Variants in DMD observed in about 807,000 individuals in gnomAD.
The protein encoded by DMD is mutant dystrophin.
DMD carries 63 observed loss-of-function variants against 330.1 expected under a neutral mutation model. The ratio of observed to expected loss-of-function variants is 0.19; its 90% confidence interval spans 0.16 to 0.24. The LOEUF is 0.24. Among genes scored for constraint, DMD ranks in the 10% least tolerant of loss-of-function variants. The pLI is 1.00. For missense variants in DMD, 3,344 were observed against 2,684.1 expected, an observed-to-expected ratio of 1.25 and a Z score of -5.43; for synonymous variants, 1,223 against 959.8, an observed-to-expected ratio of 1.27 and a Z score of -5.07.
chrX:32,046,873 T>C (rs1181549544), intron 44 of DMD, among the ~76,000 whole-genome samples: 1 of 111,857 alleles, frequency 8.9e-6, no homozygotes, highest in Non-Finnish European at 1.9e-5. Context: ...TGGTTTCACA[T>C]TAAATCTACA....
intron 1 of DMD, among the ~76,000 whole-genome samples, chrX:33,242,407 A>T (rs915702498): frequency 9.0e-6 from 1 of 111,599 alleles, no homozygotes; most frequent in Non-Finnish European, 1.9e-5. Flanking sequence ...ATAGTCTCCA[A>T]TCTCATCCAG....
Position 32,196,565 on chromosome X carries a change from G to A in DMD, c.6438+20351C>T, listed in dbSNP as rs779654128. On this transcript the variant is annotated intron_variant, in intron 44 of 78. Coordinates refer to ENST00000357033, the MANE Select transcript of DMD (RefSeq NM_004006.3). Reference sequence around the variant, plus strand: ...TAGATTCCACATTTAATATATATATGTGCTGATTGAGTTGTCTTCATTATT... The same window carrying A: ...TAGATTCCACATTTAATATATATATATGCTGATTGAGTTGTCTTCATTATT... Among the ~76,000 whole-genome samples the A allele has an allele frequency of 2.7e-5, 3 of 112,187 alleles. No homozygotes were observed. In the South Asian group the frequency reaches 1.1e-3, roughly 42 times the overall value.
intron 1 of DMD, among the ~76,000 whole-genome samples, chrX:33,074,139 C>T (rs1056964187): frequency 1.8e-5 from 2 of 111,452 alleles, no homozygotes; most frequent in African/African-American, 3.3e-5. Flanking sequence ...TCCCAGCCGC[C>T]ATTCTTCAGC....
chrX:32,398,274 C>CT (rs1557329343), intron 30 of DMD, among the ~76,000 whole-genome samples: 1 of 94,399 alleles, frequency 1.1e-5, no homozygotes, highest in Admixed American at 1.2e-4. Flanking sequence ...CCCCCCCCCC[C>CT]AAGTAGAGTT....
At chrX:32,929,108 G>A (rs2089353143) in intron 2 of DMD, among the ~76,000 whole-genome samples, 1 of 111,364 alleles carries the variant, frequency 9.0e-6, no homozygotes, top group South Asian at 3.8e-4. Flanking sequence ...AATAGAAAGG[G>A]GAAAGAGTCA....
chrX:32,403,979 A>G (rs761779360), intron 30 of DMD, among the ~76,000 whole-genome samples: 1 of 112,162 alleles, frequency 8.9e-6, no homozygotes, highest in Admixed American at 9.5e-5. Flanking sequence ...ATGCCTATTT[A>G]CACTATAAGA....
At chrX:33,059,493 A>C (rs1218282391) in intron 1 of DMD, among the ~76,000 whole-genome samples, 1 of 111,011 alleles carries the variant, frequency 9.0e-6, no homozygotes, top group Non-Finnish European at 1.9e-5. Flanking sequence ...GCAAATGAAT[A>C]ATCTTTTGCT....
intron 25 of DMD, among the ~76,000 whole-genome samples, chrX:32,459,640 T>C (rs1028970642): frequency 1.8e-5 from 2 of 111,113 alleles, no homozygotes; most frequent in Admixed American, 1.9e-4. Context: ...ACCCACTCTT[T>C]CTTTAAAATC....
rs1223138822 is a variant in DMD, at chrX:32,247,992, G to A, written c.6291-30929C>T. On this transcript the variant is annotated intron_variant, in intron 43 of 78. Transcript: ENST00000357033. Reference sequence around the variant, plus strand: ...AATATGAAGATGTATATTTAAATGAGAAGATTTTATAATCTTACACTTTCA... The same window carrying A: ...AATATGAAGATGTATATTTAAATGAAAAGATTTTATAATCTTACACTTTCA... 5.4e-5 allele frequency among the ~76,000 whole-genome samples: 6 copies of A among 111,614 alleles called. No homozygotes were observed. In the Admixed American group the frequency reaches 5.7e-4, roughly 11 times the overall value.
intron 44 of DMD, among the ~76,000 whole-genome samples, chrX:31,990,761 C>T (rs1031021769): frequency 1.8e-5 from 2 of 111,882 alleles, no homozygotes; most frequent in African/African-American, 3.2e-5. Context: ...CATCCTACCA[C>T]GTGTAAAGTA....
At chrX:31,221,375 A>G (rs781615373) in intron 64 of DMD, among the ~76,000 whole-genome samples, 2 of 112,501 alleles carry the variant, frequency 1.8e-5, no homozygotes, top group East Asian at 5.6e-4. Context: ...TGCTTTAGCC[A>G]TACTGACATA....
chrX:33,039,448 T>C (rs2094261093), intron 1 of DMD, among the ~76,000 whole-genome samples: 1 of 109,146 alleles, frequency 9.2e-6, no homozygotes, highest in South Asian at 4.1e-4. Flanking sequence ...AAATCTCAGT[T>C]TCAACATCAC....
At chrX:31,477,146 GAGATGT>G (rs1420095039) in intron 59 of DMD, among the ~76,000 whole-genome samples, 1 of 112,078 alleles carries the variant, frequency 8.9e-6, no homozygotes, top group African/African-American at 3.2e-5. Flanking sequence ...ATGCGGACTA[GAGATGT>G]AGATACATCA....
At chrX:33,205,646 A>G (rs1283790460) in intron 1 of DMD, among the ~76,000 whole-genome samples, 1 of 112,324 alleles carries the variant, frequency 8.9e-6, no homozygotes, top group Non-Finnish European at 1.9e-5. Context: ...GGAAGAAGGG[A>G]GAACGCTTTA....
chrX:32,661,785 TAAA>T (rs2060964955), intron 9 of DMD, among the ~76,000 whole-genome samples: 1 of 111,139 alleles, frequency 9.0e-6, no homozygotes, highest in Non-Finnish European at 1.9e-5. Flanking sequence ...CTTGTCTATA[TAAA>T]AATAAAAAAT....
chrX:32,750,029 G>A (rs933793940), intron 7 of DMD, among the ~76,000 whole-genome samples: 4 of 111,870 alleles, frequency 3.6e-5, no homozygotes, highest in Non-Finnish European at 5.6e-5. Context: ...AAAAACAGAC[G>A]CCTTGCCTTA....
chrX:32,380,673 T>C lies in DMD; in HGVS notation c.4682A>G (p.Glu1561Gly). The change falls in exon 34 of 79, where the codon GAA (glutamate) becomes GGA (glycine). Residue 1561 changes from glutamate to glycine, a missense_variant. Coordinates refer to ENST00000357033, the MANE Select transcript of DMD (RefSeq NM_004006.3). ...GCATTTCTCCAACTGTTGCTTTCTT[T>C]CTGTTACCTGAAAAGAATTATAATG... ...HYNELGAKVT[E>G]RKQQLEKCLK... 8.3e-7 allele frequency: 1 copy of C among 1,205,192 alleles called. No individual in the cohort carries two copies. The highest frequency in any genetic ancestry group is 1.1e-6 in the Non-Finnish European group (1 of 892,300).
chrX:32,300,897 G>A (rs2097520856), intron 42 of DMD, among the ~76,000 whole-genome samples: 1 of 110,536 alleles, frequency 9.0e-6, no homozygotes, highest in African/African-American at 3.3e-5. Context: ...TAAAATTCAT[G>A]TTATACTTTT....
At chrX:33,168,996 GT>G (rs34169571) in intron 1 of DMD, among the ~76,000 whole-genome samples, 7 of 102,196 alleles carry the variant, frequency 6.8e-5, no homozygotes, top group African/African-American at 1.4e-4. Flanking sequence ...TAGAAGATAG[GT>G]TTTTTTTTTT....
Sources: gnomAD v4.1 joint callset for allele counts (sites outside exome capture counted in the v4.1 genomes callset) on GRCh38, gnomAD v4.1.1 for gene constraint, MANE v1.5 for transcripts, NCBI Gene and HGNC (gene_info 2026-07-23, HGNC 2026-07-21) for gene names.